The following LRP1B variants were observed in gnomAD, a reference collection of about 807,000 sequenced individuals.
LRP1B encodes LDL receptor related protein 1B, also known as low-density lipoprotein receptor-related protein 1B.
A neutral mutation model predicts 556.6 loss-of-function variants in LRP1B; 217 were observed. That is an observed-to-expected ratio of 0.39 (90% confidence interval 0.35 to 0.44). The LOEUF (loss-of-function observed/expected upper bound fraction) is 0.44, where lower values mean the gene tolerates loss of function less well. Ranked by LOEUF, LRP1B falls within the 20% of genes least tolerant of loss-of-function variation. The pLI is 1.00. For missense variants in LRP1B, 5,053 were observed against 5,620.8 expected, an observed-to-expected ratio of 0.90 and a Z score of 3.23; for synonymous variants, 2,047 against 1,865.8, an observed-to-expected ratio of 1.10 and a Z score of -2.50.
chr2:141,555,435 C>T (rs550874572), intron 2 of LRP1B, among the ~76,000 whole-genome samples: 38 of 152,084 alleles, frequency 2.5e-4, no homozygotes, highest in South Asian at 1.0e-3. Flanking sequence ...TTTCTGAGGT[C>T]CTGTCTCTGA....
chr2:141,700,822 G>A (rs927143190), intron 2 of LRP1B, among the ~76,000 whole-genome samples: 2 of 151,744 alleles, frequency 1.3e-5, no homozygotes, highest in Non-Finnish European at 2.9e-5. Context: ...GGATCAATGT[G>A]AGCTACCACA....
At chr2:141,639,373 T>C (rs1470339218) in intron 2 of LRP1B, among the ~76,000 whole-genome samples, 2,396 of 76,224 alleles carry the variant, frequency 0.031, 105 homozygotes, top group Non-Finnish European at 0.048. Flanking sequence ...CATATATATA[T>C]ATACACATAT....
intron 35 of LRP1B, among the ~76,000 whole-genome samples, chr2:140,740,345 G>A (rs13005734): frequency 0.098 from 14,850 of 152,138 alleles, 779 homozygotes; most frequent in African/African-American, 0.13. Context: ...AAAAAGGAAT[G>A]AGTTAACAGC....
At chr2:140,470,942 G>A (rs959445881) in intron 60 of LRP1B, among the ~76,000 whole-genome samples, 3 of 152,114 alleles carry the variant, frequency 2.0e-5, no homozygotes, top group Admixed American at 1.3e-4. Flanking sequence ...TCCTTTCACT[G>A]AAAGATCAGT....
chr2:141,972,558 C>T (rs60024894), intron 1 of LRP1B, among the ~76,000 whole-genome samples: 4,494 of 148,468 alleles, frequency 0.03, 216 homozygotes, highest in African/African-American at 0.1. Flanking sequence ...CGATGACTAA[C>T]TAAATCCACA....
chr2:140,607,879 C>T (rs916812761), intron 41 of LRP1B, among the ~76,000 whole-genome samples: 1 of 151,882 alleles, frequency 6.6e-6, no homozygotes, highest in Non-Finnish European at 1.5e-5. Flanking sequence ...ACCATTCAAT[C>T]GATGAATGGG....
chr2:141,648,474 CT>C (rs896946118), intron 2 of LRP1B, among the ~76,000 whole-genome samples: 4 of 152,156 alleles, frequency 2.6e-5, no homozygotes, highest in African/African-American at 9.7e-5. Context: ...GAGAAATGGA[CT>C]TTTCTCTCTT....
At chr2:141,195,500 A>G (rs906934970) in intron 6 of LRP1B, among the ~76,000 whole-genome samples, 2 of 152,148 alleles carry the variant, frequency 1.3e-5, no homozygotes, top group Admixed American at 1.3e-4. Context: ...GCAGCAAAAG[A>G]TAACTCAGTA....
chr2:141,959,204 A>C (rs756173239), intron 1 of LRP1B, among the ~76,000 whole-genome samples: 3 of 151,968 alleles, frequency 2.0e-5, no homozygotes, highest in Non-Finnish European at 4.4e-5. Flanking sequence ...ACAAGGTGCT[A>C]ATTGTTTCTA....
intron 37 of LRP1B, among the ~76,000 whole-genome samples, chr2:140,714,774 G>A (rs1344729104): frequency 6.6e-6 from 1 of 152,060 alleles, no homozygotes; most frequent in East Asian, 1.9e-4. Context: ...CAGGCACGGT[G>A]GCTCATGCCT....
At chr2:140,772,541 A>G (rs892493002) in intron 33 of LRP1B, among the ~76,000 whole-genome samples, 2 of 152,002 alleles carry the variant, frequency 1.3e-5, no homozygotes, top group Non-Finnish European at 2.9e-5. Flanking sequence ...AACCCCTGAC[A>G]TCCAGTGATC....
chr2:140,418,199 G>T (rs879277554), intron 66 of LRP1B, among the ~76,000 whole-genome samples: 1 of 152,194 alleles, frequency 6.6e-6, no homozygotes, highest in Admixed American at 6.5e-5. Context: ...AGTGAGGAGA[G>T]AACATTGTGA....
intron 3 of LRP1B, among the ~76,000 whole-genome samples, chr2:141,353,772 A>G (rs1688527934): frequency 6.6e-6 from 1 of 151,928 alleles, no homozygotes; most frequent in Non-Finnish European, 1.5e-5. Flanking sequence ...GGCTCAATAA[A>G]TGCTCTTTTT....
At chr2:140,742,327 G>A (rs1022055095) in intron 35 of LRP1B, among the ~76,000 whole-genome samples, 1 of 152,126 alleles carries the variant, frequency 6.6e-6, no homozygotes, top group East Asian at 1.9e-4. Context: ...TCTTCTTCAT[G>A]TAGTTCTTCA....
chr2:140,861,683 ATACT>A (rs1191137277), intron 27 of LRP1B, among the ~76,000 whole-genome samples: 2 of 152,354 alleles, frequency 1.3e-5, no homozygotes, highest in East Asian at 3.9e-4. Flanking sequence ...GTTGAAAGTT[ATACT>A]AATAGCTAAT....
At chr2:142,076,404 G>T (rs1328934897) in intron 1 of LRP1B, among the ~76,000 whole-genome samples, 4 of 152,082 alleles carry the variant, frequency 2.6e-5, no homozygotes, top group Non-Finnish European at 4.4e-5. Context: ...AAACATCCAT[G>T]AATTTCGAGT....
At chr2:141,760,595 T>A (rs66598991) in intron 2 of LRP1B, among the ~76,000 whole-genome samples, 12,526 of 152,294 alleles carry the variant, frequency 0.082, 616 homozygotes, top group Admixed American at 0.15. Context: ...ATGTATATTT[T>A]ACTGGACTAT....
intron 3 of LRP1B, among the ~76,000 whole-genome samples, chr2:141,369,879 A>G (rs770460220): frequency 4.6e-5 from 7 of 152,176 alleles, no homozygotes; most frequent in Non-Finnish European, 1.0e-4. Flanking sequence ...CCACTTAAAA[A>G]AGAACATGCA....
At position 140,566,732 on chromosome 2, in the gene LRP1B, G is replaced by A. The variant is rs570484385; in HGVS notation, c.7195-24761C>T. Reference sequence around the variant, plus strand: ...GGAAACTGTTCCTTGGCCTCTCAGAGAAGTAACATACCTGTGCCTGAGCTG... The same window carrying A: ...GGAAACTGTTCCTTGGCCTCTCAGAAAAGTAACATACCTGTGCCTGAGCTG... On this transcript the variant is annotated intron_variant, in intron 43 of 90. Transcript: ENST00000389484. 2.2e-4 allele frequency among the ~76,000 whole-genome samples: 34 copies of A among 152,236 alleles called. 2 individuals are homozygous for A. The South Asian group carries it at 6.0e-3, about 27-fold the overall frequency.
Sources: gnomAD v4.1 joint callset for allele counts (sites outside exome capture counted in the v4.1 genomes callset) on GRCh38, gnomAD v4.1.1 for gene constraint, MANE v1.5 for transcripts, NCBI Gene and HGNC (gene_info 2026-07-23, HGNC 2026-07-21) for gene names.